Variants in CES5A observed in about 807,000 individuals in gnomAD.
The protein encoded by CES5A is carboxylesterase 5A.
Under a neutral mutation model 62.9 loss-of-function variants are expected in CES5A, and 67 were observed. The observed-to-expected ratio is 1.07, with a 90% CI of 0.88 to 1.31. The LOEUF (loss-of-function observed/expected upper bound fraction) is 1.31. Ranked by LOEUF, CES5A falls within the 50% of genes most tolerant of loss-of-function variation. CES5A has a pLI of 0.00. For missense variants in CES5A, 748 were observed against 708.5 expected, an observed-to-expected ratio of 1.06 and a Z score of -0.63; for synonymous variants, 296 against 280.8, an observed-to-expected ratio of 1.05 and a Z score of -0.54.
chr16:55,887,198 G>A (rs1320890171), intron 1 of CES5A, among the ~76,000 whole-genome samples: 1 of 152,040 alleles, frequency 6.6e-6, no homozygotes, highest in Non-Finnish European at 1.5e-5. Context: ...TGCATCACTT[G>A]CAGAATTTGT....
At position 55,846,312 on chromosome 16, in the gene CES5A, T is replaced by A; in HGVS notation, c.*139A>T. 1 of 666,000 alleles carries A rather than the reference T, an allele frequency of 1.5e-6. No individual in the cohort carries two copies. The highest frequency in any genetic ancestry group is 2.6e-6 in the Non-Finnish European group (1 of 386,358). The allele number at this position is 666,000 out of a possible 1,614,324, so 41.3% of individuals were successfully genotyped here. A position where few individuals can be genotyped will look rare whatever the true frequency, so the allele number is the denominator to read the frequency against. ...AAAAGAATTCTGTAAGGATCATTCC[T>A]AAGTCCATAAAATATCAGCGAAAGC... On this transcript the variant is annotated 3_prime_UTR_variant, in exon 13 of 13. Coordinates refer to ENST00000290567, the MANE Select transcript of CES5A (RefSeq NM_001143685.2).
chr16:55,952,707 T>A (rs1284717916), intron 1 of CES5A, among the ~76,000 whole-genome samples: 1 of 152,048 alleles, frequency 6.6e-6, no homozygotes, highest in African/African-American at 2.4e-5. Flanking sequence ...ATAATAAATG[T>A]CAACAATTGG....
rs562492134 is a variant in CES5A at position 55,851,702 on chromosome 16, G to A, written c.1273+1179C>T. On this transcript the variant is annotated intron_variant, in intron 10 of 12. Coordinates refer to ENST00000290567, the MANE Select transcript of CES5A (RefSeq NM_001143685.2). ...CTTGAACAGATATTTCTACAACTATGTTCATTGCAGCATTATAGCCAATAG... is the reference window on the plus strand; with the variant it reads ...CTTGAACAGATATTTCTACAACTATATTCATTGCAGCATTATAGCCAATAG... 3.9e-5 allele frequency among the ~76,000 whole-genome samples: 6 copies of A among 152,276 alleles called. No homozygotes were observed. The South Asian group carries it at 1.2e-3, about 32-fold the overall frequency.
intron 2 of CES5A, among the ~76,000 whole-genome samples, chr16:55,942,957 C>T (rs2034460289): frequency 6.6e-6 from 1 of 152,124 alleles, no homozygotes; most frequent in Non-Finnish European, 1.5e-5. Context: ...CTAGAACACA[C>T]AAAACTAAGC....
chr16:55,884,397 T>A (rs1441422603), intron 1 of CES5A, among the ~76,000 whole-genome samples: 1 of 152,232 alleles, frequency 6.6e-6, no homozygotes, highest in Non-Finnish European at 1.5e-5. Flanking sequence ...TGTCTGATCC[T>A]CTGGCCTTGG....
At chr16:55,908,363 GT>G (rs1401957474) in intron 1 of CES5A, among the ~76,000 whole-genome samples, 1 of 151,914 alleles carries the variant, frequency 6.6e-6, no homozygotes, top group Non-Finnish European at 1.5e-5. Context: ...TTGTTTGTTT[GT>G]TTGTTTGTTT....
intron 2 of CES5A, among the ~76,000 whole-genome samples, chr16:55,946,627 T>C (rs1276070528): frequency 6.6e-6 from 1 of 152,212 alleles, no homozygotes; most frequent in Non-Finnish European, 1.5e-5. Context: ...TGGAAGAGTG[T>C]GTACCTTGGG....
At position 55,942,933 on chromosome 16, in the gene CES5A, G is replaced by A. The variant is rs572774335; in HGVS notation, c.160+6852C>T. Among the ~76,000 whole-genome samples, 109 of 152,306 alleles carry A rather than the reference G, an allele frequency of 7.2e-4. 1 individual carries two copies. Among genetic ancestry groups the A allele is most frequent in the Admixed American group, 2.4e-3 (37 of 15,300 alleles). On this transcript the variant is annotated intron_variant, in intron 2 of 13. Coordinates refer to the CES5A transcript ENST00000521992. Reference sequence around the variant, plus strand: ...ATAATAGCACATACTGGGCGATTTTGTCTATGTCAAGTTCTAGAACACACA... The same window carrying A: ...ATAATAGCACATACTGGGCGATTTTATCTATGTCAAGTTCTAGAACACACA...
upstream of CES5A, among the ~76,000 whole-genome samples, chr16:55,878,027 G>A (rs1164132049): frequency 1.3e-5 from 2 of 152,100 alleles, no homozygotes; most frequent in African/African-American, 4.8e-5. Flanking sequence ...TCACCTCCTT[G>A]GACCTTGATG....
chr16:55,868,838 T>A (rs1490782286), intron 4 of CES5A, among the ~76,000 whole-genome samples: 6 of 152,132 alleles, frequency 3.9e-5, no homozygotes, highest in Non-Finnish European at 8.8e-5. Context: ...CCCTGGGAAG[T>A]TGTTTGGCCT....
At chr16:55,948,459 G>A (rs924042637) in intron 2 of CES5A, among the ~76,000 whole-genome samples, 2 of 152,156 alleles carry the variant, frequency 1.3e-5, no homozygotes, top group Non-Finnish European at 2.9e-5. Context: ...TCTCGGGGTA[G>A]GCGGTGGAAG....
chr16:55,950,552 T>C (rs566811634), intron 1 of CES5A, among the ~76,000 whole-genome samples: 1 of 152,010 alleles, frequency 6.6e-6, no homozygotes, highest in East Asian at 1.9e-4. Context: ...CCAAGGACTT[T>C]TCCCAGAAAC....
chr16:55,885,847 G>A (rs1340866739), intron 1 of CES5A, among the ~76,000 whole-genome samples: 3 of 152,216 alleles, frequency 2.0e-5, no homozygotes, highest in Non-Finnish European at 2.9e-5. Flanking sequence ...TAGGCAACCA[G>A]AGCCGCCCAT....
chr16:55,860,170 C>G (rs1381637775), intron 7 of CES5A, among the ~76,000 whole-genome samples: 3 of 151,820 alleles, frequency 2.0e-5, no homozygotes, highest in African/African-American at 7.3e-5. Flanking sequence ...TTTTGCCCAC[C>G]ACCATGTAAG....
At chr16:55,856,493 TA>T (rs1284027859) in intron 8 of CES5A, 48 bp from the exon 9 acceptor site, 1 of 1,561,638 alleles carries the variant, frequency 6.4e-7, no homozygotes, top group Non-Finnish European at 8.8e-7. Context: ...CATGAGAAGG[TA>T]AACCCATCTC....
Position 55,871,671 on chromosome 16 carries a change from A to G in CES5A, c.371T>C (p.Leu124Pro). 1.2e-6 allele frequency: 2 copies of G among 1,614,126 alleles called. No individual in the cohort carries two copies. The highest frequency in any genetic ancestry group is 1.7e-6 in the Non-Finnish European group (2 of 1,180,010). Residue 124 changes from leucine to proline, a missense_variant, in exon 3 of 13, where the codon CTG (leucine) becomes CCG (proline). Coordinates refer to ENST00000290567, the MANE Select transcript of CES5A (RefSeq NM_001143685.2). ...GGCGTGGGCAGGCGCATAGATGTTC[A>G]GGTAGAGGCAGTCTTCTGACACTCC... ...KFGVSEDCLY[L>P]NIYAPAHADT...
At chr16:55,884,384 T>C (rs942805677) in intron 1 of CES5A, among the ~76,000 whole-genome samples, 4 of 152,210 alleles carry the variant, frequency 2.6e-5, no homozygotes, top group Admixed American at 2.0e-4. Flanking sequence ...GGTCAAACCC[T>C]CTTGTCTGAT....
intron 4 of CES5A, among the ~76,000 whole-genome samples, chr16:55,868,627 T>C (rs1374634722): frequency 2.6e-5 from 4 of 152,206 alleles, no homozygotes; most frequent in Non-Finnish European, 4.4e-5. Context: ...TCTCCCATAG[T>C]CAGGAGCCTC....
chr16:55,907,462 G>A (rs1453132642), intron 1 of CES5A, among the ~76,000 whole-genome samples: 1 of 152,208 alleles, frequency 6.6e-6, no homozygotes, highest in Non-Finnish European at 1.5e-5. Context: ...CATATGAAAG[G>A]TTTTGGGTTT....
Sources: gnomAD v4.1 joint callset for allele counts (sites outside exome capture counted in the v4.1 genomes callset) on GRCh38, gnomAD v4.1.1 for gene constraint, MANE v1.5 for transcripts, NCBI Gene and HGNC (gene_info 2026-07-23, HGNC 2026-07-21) for gene names.